Variants in ADAMTS6 observed in about 807,000 individuals in gnomAD.
The protein encoded by ADAMTS6 is A disintegrin and metalloproteinase with thrombospondin motifs 6.
A neutral mutation model predicts 144.3 loss-of-function variants in ADAMTS6; 23 were observed. That is an observed-to-expected ratio of 0.16 (90% CI 0.11 to 0.23). The LOEUF is 0.23. ADAMTS6 is among the 10% of genes least tolerant of loss of function. ADAMTS6 has a pLI of 1.00. For synonymous variants in ADAMTS6, 444 were observed against 457.5 expected (o/e 0.97, Z 0.38); for missense variants, 999 against 1,379.6 (o/e 0.72, Z 4.37).
At chr5:65,241,108 T>G (rs191278070) in intron 15 of ADAMTS6, among the ~76,000 whole-genome samples, 2 of 152,088 alleles carry the variant, frequency 1.3e-5, no homozygotes, top group Admixed American at 6.6e-5. Context: ...GAAGAAAGTA[T>G]AGTAAAACGT....
At chr5:65,226,434 A>C (rs1215955582) in intron 15 of ADAMTS6, among the ~76,000 whole-genome samples, 2 of 151,954 alleles carry the variant, frequency 1.3e-5, no homozygotes, top group Non-Finnish European at 2.9e-5. Flanking sequence ...TTTCAGGTTT[A>C]AAAATTTCAG....
intron 24 of ADAMTS6, among the ~76,000 whole-genome samples, chr5:65,155,030 A>G (rs1167317628): frequency 6.6e-6 from 1 of 152,096 alleles, no homozygotes; most frequent in African/African-American, 2.4e-5. Context: ...TCCGGTTCCT[A>G]CTTCTTGGTT....
intron 7 of ADAMTS6, among the ~76,000 whole-genome samples, chr5:65,448,041 AAC>A (rs1219478503): frequency 6.6e-6 from 1 of 150,438 alleles, no homozygotes; most frequent in Non-Finnish European, 1.5e-5. Context: ...AGGTAGTGAT[AAC>A]AGTTATTCAT....
chr5:65,451,725 TAGG>T, intron 6 of ADAMTS6, 105 bp from the exon 7 acceptor site: 1 of 1,377,878 alleles, frequency 7.3e-7, no homozygotes, highest in Non-Finnish European at 1.0e-6. Flanking sequence ...GCAGTGTTTC[TAGG>T]AATAATCTCT....
intron 7 of ADAMTS6, among the ~76,000 whole-genome samples, chr5:65,353,037 G>A (rs1288138750): frequency 6.6e-6 from 1 of 151,854 alleles, no homozygotes; most frequent in Non-Finnish European, 1.5e-5. Flanking sequence ...TTTCTCCTTA[G>A]ATCTTTATAT....
intron 11 of ADAMTS6, among the ~76,000 whole-genome samples, chr5:65,280,291 T>C (rs1157973110): frequency 6.6e-6 from 1 of 152,238 alleles, no homozygotes; most frequent in Non-Finnish European, 1.5e-5. Flanking sequence ...GAAACCTCTT[T>C]CATAAAAATT....
Position 65,226,236 on chromosome 5 carries a change from G to T in ADAMTS6, c.1934-17C>A. 6.2e-7 allele frequency: 1 copy of T among 1,609,376 alleles called. No homozygotes were observed. Among genetic ancestry groups the T allele is most frequent in the Non-Finnish European group, 8.5e-7 (1 of 1,177,276 alleles). On this transcript the variant is annotated splice_polypyrimidine_tract_variant and intron_variant, in intron 15 of 24. Coordinates refer to ENST00000381055, the MANE Select transcript of ADAMTS6 (RefSeq NM_197941.4). ...TTACCCCACCTGGACAAATACAGTA[G>T]AAGAGAAATAAGTGGAGTGGTTGTC...
rs374679799 is a variant in ADAMTS6, at chr5:65,170,946, C to G, written c.3088-173G>C. 9.2e-5 allele frequency among the ~76,000 whole-genome samples: 14 copies of G among 151,666 alleles called. No homozygotes were observed. The East Asian group carries it at 2.3e-3, about 25-fold the overall frequency. ...GTCTCGAACCTGACCTCAAGCAATCCTCCTGCCTTGGCCTCCCAAAGTGCT... is the reference window on the plus strand; with the variant it reads ...GTCTCGAACCTGACCTCAAGCAATCGTCCTGCCTTGGCCTCCCAAAGTGCT... On this transcript the variant is annotated intron_variant, in intron 23 of 24. Coordinates refer to ENST00000381055, the MANE Select transcript of ADAMTS6 (RefSeq NM_197941.4).
chr5:65,331,426 CT>C (rs1327391772), intron 8 of ADAMTS6, among the ~76,000 whole-genome samples: 3 of 151,944 alleles, frequency 2.0e-5, no homozygotes, highest in Admixed American at 2.0e-4. Context: ...AAATTATTAT[CT>C]CTGCTAGAAC....
rs1752134981 is a variant in ADAMTS6, at chr5:65,151,456, G to A, written c.*380C>T. ...AGTCATAACAGCTACATTTTAAACA[G>A]TTTTAAATACAAATGGATTCAGTGT... On this transcript the variant is annotated 3_prime_UTR_variant, in exon 25 of 25. Transcript: ENST00000381055. The A allele has an allele frequency of 5.7e-6, 1 of 174,528 alleles. No homozygotes were observed. Among genetic ancestry groups the A allele is most frequent in the African/African-American group, 2.4e-5 (1 of 42,278 alleles). The allele number at this position is 174,528 out of a possible 1,614,324, so 10.8% of individuals were successfully genotyped here.
At chr5:65,303,122 C>T (rs753705339) in intron 9 of ADAMTS6, among the ~76,000 whole-genome samples, 5 of 152,068 alleles carry the variant, frequency 3.3e-5, no homozygotes, top group Non-Finnish European at 7.4e-5. Flanking sequence ...AGGTAGTTTC[C>T]AGTTCCTCAC....
At chr5:65,277,699 C>T (rs1266347778) in intron 11 of ADAMTS6, among the ~76,000 whole-genome samples, 2 of 151,986 alleles carry the variant, frequency 1.3e-5, no homozygotes, top group African/African-American at 4.8e-5. Context: ...GCTTATGGCA[C>T]GCTTTGCAAA....
chr5:65,395,881 A>G (rs1293482798), intron 7 of ADAMTS6, among the ~76,000 whole-genome samples: 1 of 152,234 alleles, frequency 6.6e-6, no homozygotes, highest in African/African-American at 2.4e-5. Flanking sequence ...AGACTCAATC[A>G]TAACGGTGTA....
chr5:65,378,765 T>G (rs1006891668), intron 7 of ADAMTS6, among the ~76,000 whole-genome samples: 1 of 152,208 alleles, frequency 6.6e-6, no homozygotes, highest in African/African-American at 2.4e-5. Context: ...CATTTGCTTG[T>G]ATCATTCACT....
At chr5:65,206,838 T>TCTCA (rs1205031458) in intron 20 of ADAMTS6, among the ~76,000 whole-genome samples, 26 of 145,130 alleles carry the variant, frequency 1.8e-4, no homozygotes, top group African/African-American at 5.4e-4. Flanking sequence ...TCTCTCTCTC[T>TCTCA]CACACACACA....
intron 9 of ADAMTS6, among the ~76,000 whole-genome samples, chr5:65,318,074 C>CAAA (rs78876970): frequency 3.2e-4 from 20 of 62,988 alleles, no homozygotes; most frequent in African/African-American, 1.0e-3. Context: ...GACTCCATCT[C>CAAA]AAAAAAAAAA....
At chr5:65,455,663 T>C (rs1759134285) in intron 4 of ADAMTS6, among the ~76,000 whole-genome samples, 1 of 151,370 alleles carries the variant, frequency 6.6e-6, no homozygotes, top group South Asian at 2.1e-4. Flanking sequence ...AAATTAGCTG[T>C]GTGGTGGCAC....
chr5:65,333,961 G>T, intron 8 of ADAMTS6, 81 bp downstream of exon 8: 1 of 1,195,918 alleles, frequency 8.4e-7, no homozygotes, highest in South Asian at 2.5e-5. Context: ...TAAAGTCATT[G>T]GTCCAAAAAG....
chr5:65,213,761 G>C (rs958998811), intron 20 of ADAMTS6, among the ~76,000 whole-genome samples: 2 of 152,094 alleles, frequency 1.3e-5, no homozygotes, highest in African/African-American at 4.8e-5. Flanking sequence ...ATACAAGACA[G>C]GATGAAGTCT....
Sources: allele counts gnomAD v4.1 joint callset (sites outside exome capture counted in the v4.1 genomes callset), GRCh38; gene constraint gnomAD v4.1.1; transcripts MANE v1.5; gene names NCBI Gene and HGNC (gene_info 2026-07-23, HGNC 2026-07-21).